Variants in TMEM178B observed in about 807,000 individuals in gnomAD.
TMEM178B encodes the protein transmembrane protein 178B.
In TMEM178B, 5 loss-of-function variants were observed where a neutral mutation model predicts 31.0. That is an observed-to-expected ratio of 0.16 (90% CI 0.08 to 0.34). The LOEUF is 0.34. Ranked by LOEUF, TMEM178B falls within the 10% of genes least tolerant of loss-of-function variation. The pLI is 1.00. For synonymous variants in TMEM178B, 164 were observed against 164.0 expected (o/e 1.00, Z 0.00); for missense variants, 275 against 400.3 (o/e 0.69, Z 2.67).
At chr7:141,079,683 C>A (rs1794653234) in intron 1 of TMEM178B, among the ~76,000 whole-genome samples, 1 of 152,182 alleles carries the variant, frequency 6.6e-6, no homozygotes, top group East Asian at 1.9e-4. Flanking sequence ...CTCTCCATCT[C>A]CATTAAACAT....
At chr7:141,365,783 C>A (rs1051399126) in intron 2 of TMEM178B, among the ~76,000 whole-genome samples, 8 of 152,220 alleles carry the variant, frequency 5.3e-5, no homozygotes, top group Admixed American at 6.5e-5. Context: ...GCCTACACAA[C>A]TCTAGTATGA....
chr7:141,166,682 G>A (rs1796267452), intron 1 of TMEM178B, among the ~76,000 whole-genome samples: 1 of 152,180 alleles, frequency 6.6e-6, no homozygotes, highest in Non-Finnish European at 1.5e-5. Context: ...TGTATCAGGT[G>A]CTCCTTTTTA....
At chr7:141,133,405 A>C (rs1586787818) in intron 1 of TMEM178B, among the ~76,000 whole-genome samples, 3 of 152,258 alleles carry the variant, frequency 2.0e-5, no homozygotes, top group South Asian at 4.1e-4. Flanking sequence ...AAAAGAACCA[A>C]ACAGACATCC....
chr7:141,137,626 A>C (rs1291159454), intron 1 of TMEM178B, among the ~76,000 whole-genome samples: 3 of 152,348 alleles, frequency 2.0e-5, no homozygotes, highest in African/African-American at 7.2e-5. Flanking sequence ...GGGTGGCTAT[A>C]GTTAACCATA....
intron 2 of TMEM178B, among the ~76,000 whole-genome samples, chr7:141,252,218 C>T (rs1797844870): frequency 6.6e-6 from 1 of 152,118 alleles, no homozygotes; most frequent in African/African-American, 2.4e-5. Flanking sequence ...AGGTACCAGT[C>T]CATGGATGGG....
intron 2 of TMEM178B, among the ~76,000 whole-genome samples, chr7:141,310,859 T>G (rs1204991134): frequency 1.3e-5 from 2 of 152,212 alleles, no homozygotes; most frequent in East Asian, 3.8e-4. Context: ...CGTATGTTCA[T>G]TGCAACACTA....
At chr7:141,290,320 C>G (rs924631423) in intron 2 of TMEM178B, among the ~76,000 whole-genome samples, 1 of 152,216 alleles carries the variant, frequency 6.6e-6, no homozygotes, top group Non-Finnish European at 1.5e-5. Flanking sequence ...AATATGGTTG[C>G]AGGAACTGAT....
chr7:141,440,772 C>G (rs1337251131), intron 3 of TMEM178B, among the ~76,000 whole-genome samples: 1 of 152,232 alleles, frequency 6.6e-6, no homozygotes, highest in African/African-American at 2.4e-5. Context: ...CTGCCTCTTG[C>G]TGACTGCGGC....
intron 2 of TMEM178B, among the ~76,000 whole-genome samples, chr7:141,382,433 G>T (rs986570282): frequency 6.6e-6 from 1 of 152,096 alleles, no homozygotes; most frequent in Non-Finnish European, 1.5e-5. Context: ...ACCAATTTGT[G>T]AATATTGCTT....
chr7:141,169,654 A>T (rs1435980915), intron 1 of TMEM178B, among the ~76,000 whole-genome samples: 2 of 152,242 alleles, frequency 1.3e-5, no homozygotes, highest in Non-Finnish European at 2.9e-5. Context: ...TGGAGAAAAT[A>T]ATCACTTGCA....
chr7:141,219,227 C>T (rs769359959), intron 2 of TMEM178B, among the ~76,000 whole-genome samples: 32 of 152,104 alleles, frequency 2.1e-4, no homozygotes, highest in Non-Finnish European at 4.1e-4. Context: ...CAGAGGAATC[C>T]GAGGGTGAGG....
intron 1 of TMEM178B, among the ~76,000 whole-genome samples, chr7:141,121,920 A>G (rs989755324): frequency 6.6e-6 from 1 of 151,930 alleles, no homozygotes; most frequent in Non-Finnish European, 1.5e-5. Context: ...CTTCCTTCCA[A>G]AAGTTTGTTG....
intron 1 of TMEM178B, among the ~76,000 whole-genome samples, chr7:141,174,749 A>T (rs1009388176): frequency 1.3e-5 from 2 of 152,184 alleles, no homozygotes; most frequent in Non-Finnish European, 2.9e-5. Context: ...TGTTGGCCAC[A>T]TAAATGTCTT....
chr7:141,252,022 T>C (rs995615807), intron 2 of TMEM178B, among the ~76,000 whole-genome samples: 4 of 152,238 alleles, frequency 2.6e-5, no homozygotes, highest in African/African-American at 9.7e-5. Flanking sequence ...AAAGTTGCAA[T>C]TCTACTATGT....
intron 1 of TMEM178B, among the ~76,000 whole-genome samples, chr7:141,138,847 G>A (rs530034303): frequency 6.6e-6 from 1 of 152,122 alleles, no homozygotes; most frequent in African/African-American, 2.4e-5. Flanking sequence ...AGCCGGGTGT[G>A]GTGGCACGTG....
intron 2 of TMEM178B, among the ~76,000 whole-genome samples, chr7:141,411,478 A>G (rs1462463211): frequency 6.6e-6 from 1 of 152,224 alleles, no homozygotes. Context: ...CCATGAAAAC[A>G]TTTTTAAAGC....
At chr7:141,367,281 T>C (rs1016623984) in intron 2 of TMEM178B, among the ~76,000 whole-genome samples, 2 of 152,000 alleles carry the variant, frequency 1.3e-5, no homozygotes, top group African/African-American at 4.8e-5. Flanking sequence ...TTTTTTTTTT[T>C]CTTTTGAGAC....
chr7:141,491,848 C>T, the TMEM178B span, among the ~76,000 whole-genome samples: 1 of 152,154 alleles, frequency 6.6e-6, no homozygotes, highest in Non-Finnish European at 1.5e-5. Context: ...GGAATGCCAT[C>T]GCGTGCCCTT....
intron 1 of TMEM178B, among the ~76,000 whole-genome samples, chr7:141,107,751 C>T (rs970767979): frequency 1.5e-4 from 23 of 152,082 alleles, no homozygotes; most frequent in Non-Finnish European, 2.6e-4. Context: ...ACAATCTGAA[C>T]TGGAGATACA....
Sources: gnomAD v4.1 joint callset for allele counts (sites outside exome capture counted in the v4.1 genomes callset) on GRCh38, gnomAD v4.1.1 for gene constraint, MANE v1.5 for transcripts, NCBI Gene and HGNC (gene_info 2026-07-23, HGNC 2026-07-21) for gene names.